Variants in FER observed in about 807,000 individuals in gnomAD.
FER encodes tyrosine-protein kinase Fer.
FER carries 63 observed loss-of-function variants against 111.0 expected under a neutral mutation model. The observed-to-expected ratio is 0.57, with a 90% CI of 0.46 to 0.70. The LOEUF (loss-of-function observed/expected upper bound fraction) is 0.70, where lower values mean the gene tolerates loss of function less well. Ranked by LOEUF, FER falls within the 30% of genes least tolerant of loss-of-function variation. FER has a pLI of 0.00. For missense variants in FER, 914 were observed against 954.0 expected, an observed-to-expected ratio of 0.96 and a Z score of 0.55; for synonymous variants, 327 against 313.9, an observed-to-expected ratio of 1.04 and a Z score of -0.44.
chr5:108,830,541 A>C (rs7709267), intron 3 of FER: 1 of 152,070 alleles, frequency 6.6e-6, no homozygotes, highest in Middle Eastern at 3.4e-3. Context: ...ATTAATTTTT[A>C]AATTATTATT....
At chr5:108,858,766 A>ATTTTTTTTTTTTTTTTTTTT (rs75243334) in intron 5 of FER, among the ~76,000 whole-genome samples, 1 of 124,730 alleles carries the variant, frequency 8.0e-6, no homozygotes. Flanking sequence ...CAGTTTTTTC[A>ATTTTTTTTTTTTTTTTTTTT]TTTTTTTTTT....
intron 17 of FER, among the ~76,000 whole-genome samples, chr5:109,130,686 A>G (rs1018275010): frequency 6.6e-6 from 1 of 151,812 alleles, no homozygotes; most frequent in Non-Finnish European, 1.5e-5. Flanking sequence ...TTGTTTTGTC[A>G]TAGAAATTTT....
At chr5:109,174,533 C>A (rs747319696) in intron 17 of FER, among the ~76,000 whole-genome samples, 5 of 152,132 alleles carry the variant, frequency 3.3e-5, no homozygotes, top group Admixed American at 6.6e-5. Flanking sequence ...GTTTATGGTT[C>A]CACTTCTGTT....
chr5:108,759,895 C>A (rs564712359), intron 1 of FER, among the ~76,000 whole-genome samples: 1 of 152,150 alleles, frequency 6.6e-6, no homozygotes. Flanking sequence ...AGCACACATT[C>A]AAACTATAGC....
chr5:108,963,089 G>A (rs1379366452), intron 13 of FER, among the ~76,000 whole-genome samples: 1 of 152,018 alleles, frequency 6.6e-6, no homozygotes, highest in African/African-American at 2.4e-5. Context: ...GGGAAAGCTA[G>A]GATTTGAGCT....
intron 13 of FER, among the ~76,000 whole-genome samples, chr5:108,987,369 C>A (rs769645654): frequency 6.6e-6 from 1 of 152,054 alleles, no homozygotes; most frequent in Non-Finnish European, 1.5e-5. Flanking sequence ...TCGCTTGAAC[C>A]TGGGAGGTGG....
chr5:108,774,886 CTTTAG>C (rs1753322121), intron 2 of FER, among the ~76,000 whole-genome samples: 1 of 152,190 alleles, frequency 6.6e-6, no homozygotes, highest in African/African-American at 2.4e-5. Context: ...TGCAGAAGCT[CTTTAG>C]TTTAATTAGA....
chr5:108,794,538 C>T (rs1755798473), intron 2 of FER, among the ~76,000 whole-genome samples: 2 of 127,396 alleles, frequency 1.6e-5, no homozygotes, highest in Non-Finnish European at 3.4e-5. Context: ...CCCCCCCCCT[C>T]CCCGCACCTT....
intron 16 of FER, among the ~76,000 whole-genome samples, chr5:109,078,379 A>G (rs1438646093): frequency 6.6e-6 from 1 of 152,192 alleles, no homozygotes; most frequent in East Asian, 1.9e-4. Flanking sequence ...CTGCGTGGCT[A>G]ATTTAATATT....
chr5:109,015,934 T>A (rs1346176564), intron 13 of FER, among the ~76,000 whole-genome samples: 1 of 152,020 alleles, frequency 6.6e-6, no homozygotes, highest in Non-Finnish European at 1.5e-5. Context: ...CATCTCAGAT[T>A]TACCTTCTCT....
intron 17 of FER, among the ~76,000 whole-genome samples, chr5:109,130,127 T>G (rs1752202009): frequency 6.6e-6 from 1 of 151,948 alleles, no homozygotes; most frequent in Non-Finnish European, 1.5e-5. Context: ...CTTTATAGTT[T>G]TACAAAACCT....
intron 8 of FER, among the ~76,000 whole-genome samples, chr5:108,883,150 A>G (rs913922401): frequency 1.3e-5 from 2 of 151,938 alleles, no homozygotes; most frequent in Non-Finnish European, 2.9e-5. Flanking sequence ...TTGCCCGAGT[A>G]CTTACTGTGA....
intron 10 of FER, among the ~76,000 whole-genome samples, chr5:108,916,928 A>G (rs1359654915): frequency 1.3e-5 from 2 of 152,130 alleles, no homozygotes; most frequent in Non-Finnish European, 2.9e-5. Context: ...CCTGTATTAA[A>G]TCTAATACAA....
At chr5:109,084,727 C>G (rs536203179) in intron 16 of FER, among the ~76,000 whole-genome samples, 1 of 151,740 alleles carries the variant, frequency 6.6e-6, no homozygotes, top group African/African-American at 2.4e-5. Context: ...CTTTTAGGAG[C>G]CTTATACTTT....
intron 17 of FER, among the ~76,000 whole-genome samples, chr5:109,131,038 T>C (rs1689418825): frequency 6.6e-6 from 1 of 152,208 alleles, no homozygotes; most frequent in African/African-American, 2.4e-5. Flanking sequence ...TTCAGCTTTA[T>C]ATCTCTGACA....
chr5:109,048,620 A>G (rs1772321209), intron 16 of FER, among the ~76,000 whole-genome samples: 1 of 152,180 alleles, frequency 6.6e-6, no homozygotes, highest in Non-Finnish European at 1.5e-5. Flanking sequence ...ACCTGTTTAT[A>G]TTTTTTAAAT....
chr5:109,086,050 T>TA (rs1777527644), intron 16 of FER, among the ~76,000 whole-genome samples: 1 of 151,728 alleles, frequency 6.6e-6, no homozygotes. Flanking sequence ...ACAGGACTCA[T>TA]AAAAACAGTT....
intron 10 of FER, among the ~76,000 whole-genome samples, chr5:108,929,386 C>T (rs1754242755): frequency 6.6e-6 from 1 of 152,128 alleles, no homozygotes; most frequent in South Asian, 2.1e-4. Context: ...GATGAAGCTA[C>T]ATCTTGTAAG....
Position 108,883,421 on chromosome 5 carries a change from A to T in FER, c.949A>T (p.Met317Leu). 1.9e-6 allele frequency: 3 copies of T among 1,607,940 alleles called. No homozygotes were observed. Among genetic ancestry groups the T allele is most frequent in the Non-Finnish European group, 2.6e-6 (3 of 1,176,328 alleles). ...GTTGAAAACGTTAGCGGAAGAACTT[A>T]TGCAAACACAGCAGATGCTTTTAAA... The part of the protein sequence containing the change: ...VMLKTLAEEL[M>L]QTQQMLLNKE... Residue 317 changes from methionine to leucine, a missense_variant, in exon 9 of 20, where the codon ATG becomes TTG. By Grantham distance (15) the Met-to-Leu change is conservative (BLOSUM62 2). Around this residue, in one of 3 missense-constraint regions of FER, gnomAD observed 774 missense variants for 782.6 expected, o/e 0.99. Coordinates refer to ENST00000281092, the MANE Select transcript of FER (RefSeq NM_005246.4).
Sources: gnomAD v4.1 joint callset for allele counts (sites outside exome capture counted in the v4.1 genomes callset) on GRCh38, gnomAD v4.1.1 for gene constraint, gnomAD v4.1.1 regional missense constraint, MANE v1.5 for transcripts, NCBI Gene and HGNC (gene_info 2026-07-23, HGNC 2026-07-21) for gene names.